The following SPATA6 variants were observed in gnomAD, a reference collection of about 807,000 sequenced individuals.
SPATA6 encodes spermatogenesis associated 6.
Under a neutral mutation model 65.3 loss-of-function variants are expected in SPATA6, and 56 were observed. That is an observed-to-expected ratio of 0.86 (90% confidence interval 0.69 to 1.07). The LOEUF is 1.07. Ranked by LOEUF, SPATA6 falls within the 50% of genes least tolerant of loss-of-function variation. The pLI is 0.00. For missense variants in SPATA6, 590 were observed against 594.8 expected (o/e 0.99, Z 0.08); for synonymous variants, 199 against 213.2 (o/e 0.93, Z 0.58).
chr1:48,470,492 C>G (rs907072246), intron 1 of SPATA6, among the ~76,000 whole-genome samples: 1 of 152,136 alleles, frequency 6.6e-6, no homozygotes, highest in Non-Finnish European at 1.5e-5. Flanking sequence ...GGAAAACAAG[C>G]AAAGCTAGGG....
chr1:48,323,205 G>A (rs1490164724), intron 11 of SPATA6, among the ~76,000 whole-genome samples: 1 of 152,182 alleles, frequency 6.6e-6, no homozygotes, highest in Non-Finnish European at 1.5e-5. Context: ...TTAAGAAAAT[G>A]TGGCACATAT....
intron 9 of SPATA6, among the ~76,000 whole-genome samples, chr1:48,377,574 C>T (rs995763790): frequency 6.6e-6 from 1 of 152,158 alleles, no homozygotes; most frequent in African/African-American, 2.4e-5. Context: ...TGTATGTCCT[C>T]CATGATATGT....
At chr1:48,307,474 A>G (rs1011464914) in intron 11 of SPATA6, among the ~76,000 whole-genome samples, 1 of 150,464 alleles carries the variant, frequency 6.6e-6, no homozygotes, top group Non-Finnish European at 1.5e-5. Context: ...CCCTGTATAG[A>G]TTATTTTTTC....
intron 9 of SPATA6, among the ~76,000 whole-genome samples, chr1:48,367,977 T>G (rs1390301140): frequency 6.6e-6 from 1 of 152,206 alleles, no homozygotes; most frequent in Non-Finnish European, 1.5e-5. Context: ...AGGAGCTCTT[T>G]TAGGGCAGGC....
the SPATA6 span, among the ~76,000 whole-genome samples, chr1:48,284,721 C>G: frequency 5.2e-3 from 793 of 152,264 alleles, 20 homozygotes; most frequent in South Asian, 0.05. Flanking sequence ...TGCTAGATGT[C>G]CACTCCAGAC....
At position 48,399,458 on chromosome 1, in the gene SPATA6, G is replaced by A. The variant is rs748102929; in HGVS notation, c.673C>T (p.Arg225Cys). The A allele has an allele frequency of 1.2e-5, 20 of 1,613,136 alleles. No individual in the cohort carries two copies. The highest frequency in any genetic ancestry group is 1.7e-5 in the Admixed American group (1 of 59,884). Residue 225 changes from arginine to cysteine, a missense_variant, in exon 7 of 13, where the codon CGC becomes TGC. Physicochemically the swap from Arg to Cys is radical, Grantham distance 180 (BLOSUM62 -3). Coordinates refer to ENST00000371847, the MANE Select transcript of SPATA6 (RefSeq NM_019073.4). ...SHSPSPYTKRRMCELSEDTRR... is the reference protein window; with the variant it reads ...SHSPSPYTKRCMCELSEDTRR... The stretch of plus-strand genomic sequence containing the variant: ...GTGTCTTCAGATAGCTCACACATGC[G>A]TCTTTTTGTGTAGGGAGATGGAGAG...
chr1:48,459,223 AAAG>A, intron 1 of SPATA6, among the ~76,000 whole-genome samples: 1 of 151,338 alleles, frequency 6.6e-6, no homozygotes, highest in Non-Finnish European at 1.5e-5. Context: ...AAAAAAAAAA[AAAG>A]AACGTTTCAT....
At chr1:48,350,248 T>C (rs1355798839) in intron 11 of SPATA6, among the ~76,000 whole-genome samples, 2 of 151,688 alleles carry the variant, frequency 1.3e-5, no homozygotes, top group Non-Finnish European at 2.9e-5. Flanking sequence ...CATTATTTAA[T>C]TTGGTTATTT....
At chr1:48,331,929 T>C (rs1223026385) in intron 11 of SPATA6, among the ~76,000 whole-genome samples, 2 of 152,138 alleles carry the variant, frequency 1.3e-5, no homozygotes, top group African/African-American at 4.8e-5. Flanking sequence ...TCAACAGTCG[T>C]AAAGAAAAAA....
the SPATA6 span, among the ~76,000 whole-genome samples, chr1:48,271,349 A>T: frequency 6.6e-6 from 1 of 152,116 alleles, no homozygotes; most frequent in Admixed American, 6.6e-5. Flanking sequence ...TCCATTTGAA[A>T]ATCAGATTTC....
chr1:48,427,847 G>A (rs1274294707), intron 3 of SPATA6, among the ~76,000 whole-genome samples: 2 of 152,146 alleles, frequency 1.3e-5, no homozygotes, highest in Non-Finnish European at 2.9e-5. Flanking sequence ...ACCTGTGACA[G>A]CTATTAATAG....
intron 11 of SPATA6, among the ~76,000 whole-genome samples, chr1:48,323,921 T>TTTATTTTTG (rs1645678653): frequency 6.6e-6 from 1 of 152,030 alleles, no homozygotes; most frequent in Non-Finnish European, 1.5e-5. Flanking sequence ...TTATCAAACA[T>TTTATTTTTG]TTATTTTTGT....
At chr1:48,466,864 T>C in intron 1 of SPATA6, among the ~76,000 whole-genome samples, 1 of 151,984 alleles carries the variant, frequency 6.6e-6, no homozygotes, top group Non-Finnish European at 1.5e-5. Flanking sequence ...TAGTTTCAGT[T>C]AGGTAATGAG....
intron 10 of SPATA6, among the ~76,000 whole-genome samples, chr1:48,358,129 G>A (rs1646708545): frequency 6.6e-6 from 1 of 152,062 alleles, no homozygotes; most frequent in Admixed American, 6.6e-5. Context: ...TAAAGGGACA[G>A]CTAACTTTAG....
intron 1 of SPATA6, among the ~76,000 whole-genome samples, chr1:48,455,139 T>TA (rs1207461347): frequency 6.6e-6 from 1 of 152,160 alleles, no homozygotes; most frequent in African/African-American, 2.4e-5. Flanking sequence ...AAAATCGTCT[T>TA]AGATTCCCTC....
chr1:48,421,945 T>C (rs1393672406), intron 3 of SPATA6, among the ~76,000 whole-genome samples: 1 of 152,098 alleles, frequency 6.6e-6, no homozygotes, highest in Non-Finnish European at 1.5e-5. Flanking sequence ...CCTTCAAAAA[T>C]GATTCAAAGT....
chr1:48,389,940 G>T lies in SPATA6; in HGVS notation c.869-4591C>A, dbSNP rs560316559. Among the ~76,000 whole-genome samples the T allele has an allele frequency of 3.9e-5, 6 of 152,112 alleles. No homozygotes were observed. The East Asian group carries it at 1.2e-3, about 29-fold the overall frequency. On this transcript the variant is annotated intron_variant, in intron 8 of 12. Transcript: ENST00000371847. ...ACCAAACCACAATGACAAACAATAAGAGAAAAAGAAAGGACCAAAGAATAT... is the reference window on the plus strand; with the variant it reads ...ACCAAACCACAATGACAAACAATAATAGAAAAAGAAAGGACCAAAGAATAT...
chr1:48,401,897 A>G (rs1170388916), intron 6 of SPATA6, among the ~76,000 whole-genome samples: 1 of 152,174 alleles, frequency 6.6e-6, no homozygotes, highest in Non-Finnish European at 1.5e-5. Context: ...ATTTATATTC[A>G]TAAAGTTACT....
chr1:48,349,254 C>T (rs998226890), intron 11 of SPATA6, among the ~76,000 whole-genome samples: 1 of 151,930 alleles, frequency 6.6e-6, no homozygotes, highest in African/African-American at 2.4e-5. Flanking sequence ...GTAGTTGTCA[C>T]AGGGATGCTA....
Sources: allele counts gnomAD v4.1 joint callset (sites outside exome capture counted in the v4.1 genomes callset), GRCh38; gene constraint gnomAD v4.1.1; transcripts MANE v1.5; gene names NCBI Gene and HGNC (gene_info 2026-07-23, HGNC 2026-07-21).